NOCT: variants seen among roughly 807,000 people sequenced by gnomAD.
NOCT encodes the protein CCR4 carbon catabolite repression 4-like.
In NOCT, 18 loss-of-function variants were observed where a neutral mutation model predicts 35.0. The observed-to-expected ratio is 0.51, with a 90% CI of 0.36 to 0.76. NOCT has a LOEUF of 0.76. NOCT is among the 30% of genes least tolerant of loss of function. NOCT has a pLI of 0.01. For synonymous variants in NOCT, 235 were observed against 226.3 expected (o/e 1.04, Z -0.34); for missense variants, 479 against 541.0 (o/e 0.89, Z 1.14).
chr4:139,031,957 C>G (rs1726632377), intron 1 of NOCT, among the ~76,000 whole-genome samples: 2 of 152,138 alleles, frequency 1.3e-5, no homozygotes, highest in South Asian at 4.1e-4. Context: ...AGGTGATCCA[C>G]CCACCTTGGC....
intron 1 of NOCT, among the ~76,000 whole-genome samples, chr4:139,022,521 A>T (rs537092279): frequency 1.7e-4 from 26 of 152,308 alleles, no homozygotes; most frequent in Admixed American, 3.9e-4. Flanking sequence ...GGGCCTGAGC[A>T]TCTGCTGATT....
Position 139,044,744 on chromosome 4 carries a change from A to G in NOCT, c.566A>G (p.Asp189Gly), listed in dbSNP as rs1442804511. 6 of 1,614,192 alleles carry G rather than the reference A, an allele frequency of 3.7e-6. No homozygotes were observed. The highest frequency in any genetic ancestry group is 5.1e-6 in the Non-Finnish European group (6 of 1,180,014). The change falls in exon 3 of 3, where the codon GAT (aspartate) becomes GGT (glycine). Residue 189 changes from aspartate (D) to glycine (G), a missense_variant. This residue lies in a region of NOCT where 265 missense variants were observed against 257.0 expected (regional missense o/e 1.03). Transcript: ENST00000280614. Reference protein sequence around the residue: ...ILEEILAYQPDILCLQEVDHY... With the variant: ...ILEEILAYQPGILCLQEVDHY... The stretch of plus-strand genomic sequence containing the variant: ...GAAGAAATCCTGGCCTACCAGCCTG[A>G]TATATTGTGCCTCCAAGAGGTGGAC...
intron 1 of NOCT, among the ~76,000 whole-genome samples, chr4:139,027,222 T>C (rs942772895): frequency 5.3e-5 from 8 of 150,828 alleles, no homozygotes; most frequent in Admixed American, 5.3e-4. Context: ...TCACCCAGAC[T>C]GGAGTGCAGT....
At chr4:139,017,219 A>G (rs1157292663) in intron 1 of NOCT, among the ~76,000 whole-genome samples, 2 of 146,706 alleles carry the variant, frequency 1.4e-5, no homozygotes, top group Non-Finnish European at 3.0e-5. Context: ...ACTAGGCAAT[A>G]CATAACTTTT....
In NOCT at chr4:139,045,449, C is replaced by G. The variant is rs759165092; in HGVS notation, c.1271C>G (p.Thr424Ser). The change falls in exon 3 of 3, where the codon ACT (threonine) becomes AGT (serine). Residue 424 changes from threonine to serine, a missense_variant. Thr to Ser is a moderately conservative substitution (Grantham distance 58). This residue lies in a region of NOCT where 214 missense variants were observed against 284.0 expected (regional missense o/e 0.75). Transcript: ENST00000280614. ...HLSLVCDFSF[T>S]EESDGLS ...TCTCTAGTGTGTGACTTCAGCTTTA[C>G]TGAGGAATCTGATGGACTTTCATAA... The G allele has an allele frequency of 6.3e-7, 1 of 1,591,356 alleles. No homozygotes were observed. The highest frequency in any genetic ancestry group is 2.3e-5 in the East Asian group (1 of 44,416).
chr4:139,030,829 T>C (rs1409700854), intron 1 of NOCT, among the ~76,000 whole-genome samples: 1 of 152,144 alleles, frequency 6.6e-6, no homozygotes, highest in African/African-American at 2.4e-5. Context: ...GATGGCAGCA[T>C]TGGATTGCTG....
Position 139,045,732 on chromosome 4 carries a change from G to GGTCTCA in NOCT, c.*263_*264insAGTCTC, listed in dbSNP as rs1726928328. ...GGGGTTTCACCGTGTTAGCCAGGATGGTCTCGATCTCCTGACCTTGAATCA... is the reference window on the plus strand; with the variant it reads ...GGGGTTTCACCGTGTTAGCCAGGATGGTCTCAGTCTCGATCTCCTGACCTTGAATCA... On this transcript the variant is annotated 3_prime_UTR_variant, in exon 3 of 3. Coordinates refer to ENST00000280614, the MANE Select transcript of NOCT (RefSeq NM_012118.4). The GGTCTCA allele has an allele frequency of 9.6e-6, 3 of 312,702 alleles. No homozygotes were observed. Among genetic ancestry groups the GGTCTCA allele is most frequent in the Admixed American group, 4.6e-5 (1 of 21,926 alleles). 19.4% of individuals were successfully genotyped at this position (312,702 alleles called of 1,614,324 possible).
At position 139,045,300 on chromosome 4, in the gene NOCT, C is replaced by T. The variant is rs770391718; in HGVS notation, c.1122C>T (p.His374=). The change falls in exon 3 of 3, where the codon CAC becomes CAT. Residue 374 remains histidine, a synonymous_variant. Coordinates refer to ENST00000280614, the MANE Select transcript of NOCT (RefSeq NM_012118.4). ...TCCGGACCTCAGGGGAGTGCAGGCA[C>T]ACCCTGGATTACATCTGGTATTCTA... ...WKIRTSGECR[H]TLDYIWYSKH... is the part of the protein sequence containing the mutation. 7 of 1,614,138 alleles carry T rather than the reference C, an allele frequency of 4.3e-6. No individual in the cohort carries two copies. The Middle Eastern group carries it at 4.9e-4, about 114-fold the overall frequency.
Position 139,039,759 on chromosome 4 carries a change from C to T in NOCT, c.191-3315C>T, listed in dbSNP as rs904190490. On this transcript the variant is annotated intron_variant, in intron 1 of 2. Transcript: ENST00000280614. ...TTTGTTTTGTTTTGAGATGGAGTAT[C>T]GCTCTATTGCCAGGCTGGAGTGGAA... Among the ~76,000 whole-genome samples, 8 of 151,976 alleles carry T rather than the reference C, an allele frequency of 5.3e-5. No individual in the cohort carries two copies. In the East Asian group the frequency reaches 5.8e-4, roughly 11 times the overall value.
At chr4:139,027,717 C>T (rs1726549380) in intron 1 of NOCT, among the ~76,000 whole-genome samples, 1 of 152,176 alleles carries the variant, frequency 6.6e-6, no homozygotes, top group African/African-American at 2.4e-5. Flanking sequence ...CCAGGATGAT[C>T]TCGATCTCCT....
intron 1 of NOCT, among the ~76,000 whole-genome samples, chr4:139,042,259 G>C (rs532925605): frequency 5.3e-5 from 8 of 151,856 alleles, no homozygotes; most frequent in African/African-American, 1.9e-4. Flanking sequence ...GGTAGAGGCA[G>C]GGTTTCTCCA....
chr4:139,027,944 A>C (rs992327262), intron 1 of NOCT, among the ~76,000 whole-genome samples: 1 of 152,136 alleles, frequency 6.6e-6, no homozygotes, highest in African/African-American at 2.4e-5. Context: ...GGATGCTGCC[A>C]GAGTTAGCTC....
chr4:139,036,146 A>G (rs1726734227), intron 1 of NOCT, among the ~76,000 whole-genome samples: 1 of 152,146 alleles, frequency 6.6e-6, no homozygotes, highest in African/African-American at 2.4e-5. Flanking sequence ...TCCCCACTAG[A>G]AAGAACAGAA....
Position 139,016,045 on chromosome 4 carries a change from C to T in NOCT, c.64C>T (p.Arg22Cys), listed in dbSNP as rs1726289774. The T allele has an allele frequency of 1.4e-6, 2 of 1,390,276 alleles. No individual in the cohort carries two copies. Among genetic ancestry groups the T allele is most frequent in the South Asian group, 1.6e-5 (1 of 64,234 alleles). The allele number at this position is 1,390,276 out of a possible 1,614,324, so 86.1% of individuals were successfully genotyped here. The change falls in exon 1 of 3, where the codon CGC (arginine) becomes TGC (cysteine). Residue 22 changes from arginine (R) to cysteine (C), a missense_variant. Coordinates refer to ENST00000280614, the MANE Select transcript of NOCT (RefSeq NM_012118.4). ...LLQRDAPGLRRLPAPGLRRPL... is the reference protein window; with the variant it reads ...LLQRDAPGLRCLPAPGLRRPL... ...GCAGAGGGACGCGCCCGGCCTGCGCCGCCTGCCCGCCCCAGGGCTGCGCCG... is the reference window on the plus strand; with the variant it reads ...GCAGAGGGACGCGCCCGGCCTGCGCTGCCTGCCCGCCCCAGGGCTGCGCCG...
At chr4:139,017,873 CTT>C (rs1302654557) in intron 1 of NOCT, among the ~76,000 whole-genome samples, 1 of 151,996 alleles carries the variant, frequency 6.6e-6, no homozygotes, top group African/African-American at 2.4e-5. Flanking sequence ...GAAGCCAAGA[CTT>C]TAAACTATTC....
intron 1 of NOCT, among the ~76,000 whole-genome samples, chr4:139,031,398 C>A (rs1388964103): frequency 6.6e-6 from 1 of 152,076 alleles, no homozygotes; most frequent in African/African-American, 2.4e-5. Flanking sequence ...ATCCACCTGT[C>A]TTGGCCTCCC....
intron 1 of NOCT, among the ~76,000 whole-genome samples, chr4:139,034,681 C>G (rs1448533416): frequency 6.6e-6 from 1 of 151,928 alleles, no homozygotes; most frequent in Admixed American, 6.6e-5. Flanking sequence ...AAGTGATCCT[C>G]CCTCCTCAGC....
chr4:139,024,535 C>T (rs573179116), intron 1 of NOCT, among the ~76,000 whole-genome samples: 4 of 152,068 alleles, frequency 2.6e-5, no homozygotes, highest in Non-Finnish European at 5.9e-5. Flanking sequence ...GTGTGTGTGC[C>T]TGTTTCTCCT....
In NOCT at chr4:139,043,358, T is replaced by C; in HGVS notation, c.460+15T>C. On this transcript the variant is annotated intron_variant, in intron 2 of 2. Coordinates refer to ENST00000280614, the MANE Select transcript of NOCT (RefSeq NM_012118.4). Reference sequence around the variant, plus strand: ...CCTCGCCCAAGGTATGCTGGATGCTTTTGTGCCTCTGCAGTCAAGTTTGCT... The same window carrying C: ...CCTCGCCCAAGGTATGCTGGATGCTCTTGTGCCTCTGCAGTCAAGTTTGCT... 6.2e-7 allele frequency: 1 copy of C among 1,608,034 alleles called. No individual in the cohort carries two copies. Among genetic ancestry groups the C allele is most frequent in the Non-Finnish European group, 8.5e-7 (1 of 1,175,090 alleles).
Sources: gnomAD v4.1 joint callset for allele counts (sites outside exome capture counted in the v4.1 genomes callset) on GRCh38, gnomAD v4.1.1 for gene constraint, gnomAD v4.1.1 regional missense constraint, MANE v1.5 for transcripts, NCBI Gene and HGNC (gene_info 2026-07-23, HGNC 2026-07-21) for gene names.